Variants in POLK observed in about 807,000 individuals in gnomAD.
POLK encodes the protein polymerase (DNA directed) kappa.
A neutral mutation model predicts 94.0 loss-of-function variants in POLK; 76 were observed. That is an observed-to-expected ratio of 0.81 (90% CI 0.67 to 0.98). The LOEUF is 0.98. Ranked by LOEUF, POLK falls within the 50% of genes least tolerant of loss-of-function variation. The pLI, the probability that POLK is intolerant of heterozygous loss-of-function variation, is 0.00. For synonymous variants in POLK, 349 were observed against 325.4 expected (o/e 1.07, Z -0.78); for missense variants, 954 against 1,010.1 (o/e 0.94, Z 0.75).
chr5:75,606,968 T>C, the POLK span, among the ~76,000 whole-genome samples: 2 of 152,096 alleles, frequency 1.3e-5, no homozygotes, highest in African/African-American at 4.8e-5. Flanking sequence ...TTGCCCCTAG[T>C]GACTGGCAGA....
chr5:75,515,160 T>C (rs1254124589), intron 1 of POLK, among the ~76,000 whole-genome samples: 1 of 152,184 alleles, frequency 6.6e-6, no homozygotes, highest in African/African-American at 2.4e-5. Flanking sequence ...CTTGTGTTGC[T>C]ACTAAAAGGA....
exon 4 of POLK, chr5:75,569,463 C>A: frequency 6.2e-7 from 1 of 1,613,326 alleles, no homozygotes; most frequent in Non-Finnish European, 8.5e-7. Context: ...GAAGGATAAA[C>A]CCATTGCTGT....
chr5:75,589,386 CAT>C lies in POLK; in HGVS notation c.1260-956_1260-955del, dbSNP rs374893079. Among the ~76,000 whole-genome samples the C allele has an allele frequency of 6.0e-3, 608 of 102,140 alleles. 4 individuals carry two copies. Among genetic ancestry groups the C allele is most frequent in the African/African-American group, 0.024 (574 of 24,396 alleles). 67.0% of individuals were successfully genotyped at this position (102,140 alleles called of 152,430 possible). A position where few individuals can be genotyped will look rare whatever the true frequency, so the allele number is the denominator to read the frequency against. ...TTTGCTTATTTTATATATATACACA[CAT>C]ACACACACACACACACACACACACA... On this transcript the variant is annotated intron_variant, in intron 10 of 14. Transcript: ENST00000241436.
intron 3 of POLK, among the ~76,000 whole-genome samples, chr5:75,558,571 C>A (rs1025214536): frequency 2.8e-4 from 42 of 152,214 alleles, no homozygotes; most frequent in African/African-American, 9.6e-4. Context: ...TCAATTCAGT[C>A]TTTTCCTGTA....
At chr5:75,529,371 G>A (rs1428570567) in intron 1 of POLK, among the ~76,000 whole-genome samples, 1 of 151,958 alleles carries the variant, frequency 6.6e-6, no homozygotes, top group African/African-American at 2.4e-5. Flanking sequence ...CATTCATGAG[G>A]GTCATAGGTC....
At position 75,554,698 on chromosome 5, in the gene POLK, T is replaced by C. The variant is rs147022421; in HGVS notation, c.255+2107T>C. 2.1e-3 allele frequency among the ~76,000 whole-genome samples: 317 copies of C among 152,232 alleles called. 1 individual carries two copies. In the East Asian group the frequency reaches 0.027, roughly 13 times the overall value. On this transcript the variant is annotated intron_variant, in intron 3 of 14. Transcript: ENST00000241436. ...GTAGGCCCCAGTGTATGTTGTTCCCTTGTATGTGTCCATGTGGTTTCATGA... is the reference window on the plus strand; with the variant it reads ...GTAGGCCCCAGTGTATGTTGTTCCCCTGTATGTGTCCATGTGGTTTCATGA...
intron 10 of POLK, among the ~76,000 whole-genome samples, chr5:75,589,440 T>TACACACACAC (rs1772651919): frequency 3.8e-4 from 24 of 63,724 alleles, no homozygotes; most frequent in African/African-American, 1.2e-3. Flanking sequence ...CACACACACG[T>TACACACACAC]GGAATATTTC....
upstream of POLK, among the ~76,000 whole-genome samples, chr5:75,510,844 G>A (rs112305362): frequency 3.8e-4 from 58 of 152,242 alleles, no homozygotes; most frequent in African/African-American, 8.9e-4. Context: ...GCCGCCCTAA[G>A]TCCCAAGTCA....
At chr5:75,545,180 C>T (rs1769945177) in intron 1 of POLK, among the ~76,000 whole-genome samples, 1 of 152,202 alleles carries the variant, frequency 6.6e-6, no homozygotes, top group Non-Finnish European at 1.5e-5. Context: ...TTCAGAGTCC[C>T]TTCCAAAATT....
rs766902996 is a variant in POLK, at chr5:75,579,289, G to A, written c.695-1920G>A. On this transcript the variant is annotated intron_variant, in intron 6 of 14. Coordinates refer to ENST00000241436, the Ensembl canonical transcript of POLK. ...CAGTTTTTCTGTAGCTTTCTTTACC[G>A]TGACTTCTACCCATCCAGATGGGGA... Among the ~76,000 whole-genome samples, 11 of 152,172 alleles carry A rather than the reference G, an allele frequency of 7.2e-5. 1 individual carries two copies. The highest frequency in any genetic ancestry group is 4.2e-4 in the South Asian group (2 of 4,814).
chr5:75,570,185 C>T (rs1252982388), intron 4 of POLK, among the ~76,000 whole-genome samples: 1 of 152,164 alleles, frequency 6.6e-6, no homozygotes, highest in Non-Finnish European at 1.5e-5. Flanking sequence ...CTTTAAGGTA[C>T]TAGTTTTTAT....
exon 15 of POLK, chr5:75,598,034 T>G (rs1381714173): frequency 1.0e-6 from 1 of 978,166 alleles, no homozygotes; most frequent in South Asian, 1.6e-5. Flanking sequence ...GAACATTTTA[T>G]CATTAATTTT....
At chr5:75,588,026 C>A (rs938339608) in intron 10 of POLK, among the ~76,000 whole-genome samples, 7 of 151,800 alleles carry the variant, frequency 4.6e-5, no homozygotes, top group Admixed American at 4.6e-4. Context: ...TACAATACAA[C>A]ATAATAAATG....
chr5:75,573,769 G>A, exon 5 of POLK: 1 of 1,612,946 alleles, frequency 6.2e-7, no homozygotes, highest in Non-Finnish European at 8.5e-7. Flanking sequence ...AGGAGATTTG[G>A]TGTTCGTGCA....
intron 1 of POLK, among the ~76,000 whole-genome samples, chr5:75,543,417 G>A (rs978463491): frequency 6.6e-6 from 1 of 152,170 alleles, no homozygotes; most frequent in African/African-American, 2.4e-5. Flanking sequence ...TTTCCTGATA[G>A]TTTGGATGTG....
At chr5:75,604,312 T>C (rs1398890609), downstream of POLK, among the ~76,000 whole-genome samples, 2 of 152,036 alleles carry the variant, frequency 1.3e-5, no homozygotes, top group African/African-American at 4.8e-5. Context: ...ACTATTAACC[T>C]GGGGCTAAAA....
At chr5:75,536,257 G>T (rs1350669242) in intron 1 of POLK, among the ~76,000 whole-genome samples, 2 of 152,040 alleles carry the variant, frequency 1.3e-5, no homozygotes, top group Admixed American at 6.6e-5. Context: ...TACATTTTTT[G>T]GGGGGTGTTC....
At chr5:75,608,734 T>C in the POLK span, 1 of 152,002 alleles carries the variant, frequency 6.6e-6, no homozygotes, top group Admixed American at 6.5e-5. Flanking sequence ...ATTTTAAAAA[T>C]TCGGAAGTGG....
At chr5:75,577,297 A>G (rs1561391479) in intron 6 of POLK, among the ~76,000 whole-genome samples, 1 of 152,308 alleles carries the variant, frequency 6.6e-6, no homozygotes, top group East Asian at 1.9e-4. Context: ...GTTAGAAAAG[A>G]CTAGCCTCAA....
Sources: gnomAD v4.1 joint callset for allele counts (sites outside exome capture counted in the v4.1 genomes callset) on GRCh38, gnomAD v4.1.1 for gene constraint, MANE v1.5 for transcripts, NCBI Gene and HGNC (gene_info 2026-07-23, HGNC 2026-07-21) for gene names.